IFI44: variants seen among roughly 807,000 people sequenced by gnomAD.
IFI44 encodes interferon-induced protein 44.
A neutral mutation model predicts 45.0 loss-of-function variants in IFI44; 42 were observed. The observed-to-expected ratio is 0.93, with a 90% CI of 0.73 to 1.21. IFI44 has a LOEUF of 1.21. Ranked by LOEUF, IFI44 falls within the 50% of genes most tolerant of loss-of-function variation. The probability of loss-of-function intolerance (pLI) is 0.00; values close to 1 mark genes in which losing one functional copy is unlikely to be tolerated. For synonymous variants in IFI44, 221 were observed against 188.6 expected, an observed-to-expected ratio of 1.17 and a Z score of -1.41; for missense variants, 623 against 525.8, an observed-to-expected ratio of 1.18 and a Z score of -1.81.
At chr1:78,663,710 C>G in intron 8 of IFI44, 55 bp from the exon 9 acceptor site, 3 of 1,599,162 alleles carry the variant, frequency 1.9e-6, no homozygotes, top group Non-Finnish European at 1.7e-6. Flanking sequence ...CCTCTTCCCT[C>G]TGGTTGCCTT....
intron 5 of IFI44, among the ~76,000 whole-genome samples, chr1:78,656,853 T>A (rs1456870606): frequency 6.6e-6 from 1 of 151,460 alleles, no homozygotes; most frequent in East Asian, 1.9e-4. Context: ...ATCTTGTAAA[T>A]GCTGTTTATT....
chr1:78,658,649 C>G lies in IFI44; in HGVS notation c.841-663C>G, dbSNP rs535324673. Among the ~76,000 whole-genome samples, 6 of 152,214 alleles carry G rather than the reference C, an allele frequency of 3.9e-5. No homozygotes were observed. The South Asian group carries it at 8.3e-4, about 21-fold the overall frequency. On this transcript the variant is annotated intron_variant, in intron 5 of 8. Transcript: ENST00000370747. The stretch of plus-strand genomic sequence containing the variant: ...TCTCTGCCCCTTCAAATAAATTTCT[C>G]CCCTCTTCCCATTAGTAACCATATA...
At chr1:78,655,318 T>TAATAAAA in intron 4 of IFI44, 44 bp from the exon 5 acceptor site, 1 of 1,562,948 alleles carries the variant, frequency 6.4e-7, no homozygotes, top group Non-Finnish European at 8.7e-7. Context: ...TCTCAATTTA[T>TAATAAAA]AATAAAAAAT....
Position 78,653,243 on chromosome 1 carries a change from A to T in IFI44, c.458-1000A>T, listed in dbSNP as rs72935632. Among the ~76,000 whole-genome samples the T allele has an allele frequency of 1.9e-3, 285 of 151,672 alleles. 1 individual carries two copies. Among genetic ancestry groups the T allele is most frequent in the African/African-American group, 6.6e-3 (273 of 41,380 alleles). On this transcript the variant is annotated intron_variant, in intron 2 of 8. Coordinates refer to ENST00000370747, the MANE Select transcript of IFI44 (RefSeq NM_006417.5). ...TCCTTCTTGCCATTAATGAAATGGG[A>T]TTTTATCAAAACATTGACATAAAGG...
intron 5 of IFI44, among the ~76,000 whole-genome samples, chr1:78,658,456 T>C (rs892850576): frequency 6.6e-6 from 1 of 152,184 alleles, no homozygotes; most frequent in Non-Finnish European, 1.5e-5. Context: ...TATTTTAAAG[T>C]CAATCAGAAT....
At chr1:78,651,968 C>T (rs1647131109) in intron 2 of IFI44, among the ~76,000 whole-genome samples, 1 of 152,068 alleles carries the variant, frequency 6.6e-6, no homozygotes, top group African/African-American at 2.4e-5. Flanking sequence ...CTTTAAGGGC[C>T]AGAAAAATAG....
intron 5 of IFI44, among the ~76,000 whole-genome samples, chr1:78,658,172 T>C (rs1436697720): frequency 1.3e-5 from 2 of 152,142 alleles, no homozygotes; most frequent in East Asian, 3.8e-4. Context: ...ATCACTCGTA[T>C]ATCTGCTTTC....
intron 7 of IFI44, 82 bp from the exon 8 acceptor site, chr1:78,662,622 T>G: frequency 1.8e-6 from 2 of 1,093,564 alleles, no homozygotes; most frequent in Non-Finnish European, 2.6e-6. Flanking sequence ...TCCTACATCT[T>G]GATATTGCTT....
Position 78,662,788 on chromosome 1 carries a change from C to A in IFI44, c.1198C>A (p.Pro400Thr). Residue 400 changes from proline (P) to threonine (T), a missense_variant, in exon 8 of 9, where the codon CCT becomes ACT. Physicochemically the swap from Pro to Thr is conservative, Grantham distance 38 (BLOSUM62 -1). Coordinates refer to ENST00000370747, the MANE Select transcript of IFI44 (RefSeq NM_006417.5). ...TTATTCCTCTGAGTGGGAGCTGGAC[C>A]CTGTAAAGGATGTTCTAATTCTTTC... ...SNYSSEWELD[P>T]VKDVLILSAL... The A allele has an allele frequency of 1.2e-6, 2 of 1,613,310 alleles. No individual in the cohort carries two copies. The highest frequency in any genetic ancestry group is 1.7e-6 in the Non-Finnish European group (2 of 1,179,756).
chr1:78,657,302 C>A (rs1420858772), intron 5 of IFI44, among the ~76,000 whole-genome samples: 1 of 151,856 alleles, frequency 6.6e-6, no homozygotes, highest in Non-Finnish European at 1.5e-5. Flanking sequence ...TTGCTTTTTC[C>A]TTATCATTTG....
In IFI44 at chr1:78,654,699, A is replaced by G. The variant is rs559273728; in HGVS notation, c.495-315A>G. Among the ~76,000 whole-genome samples the G allele has an allele frequency of 2.6e-5, 4 of 151,982 alleles. No homozygotes were observed. The South Asian group carries it at 8.3e-4, about 32-fold the overall frequency. ...TTGTGACTTATATATATGTGACACA[A>G]TATATATGACTTCTGAAGTTTAGTC... On this transcript the variant is annotated intron_variant, in intron 3 of 8. Transcript: ENST00000370747.
chr1:78,659,540 G>A (rs1647333955), intron 6 of IFI44, 57 bp downstream of exon 6: 2 of 1,362,008 alleles, frequency 1.5e-6, no homozygotes, highest in Non-Finnish European at 2.0e-6. Flanking sequence ...TGACTAGACT[G>A]TATTTTAGAA....
chr1:78,657,894 G>C (rs1219460615), intron 5 of IFI44, among the ~76,000 whole-genome samples: 1 of 151,944 alleles, frequency 6.6e-6, no homozygotes, highest in East Asian at 1.9e-4. Context: ...CTACAATTTG[G>C]ATCCTGAGTC....
intron 2 of IFI44, among the ~76,000 whole-genome samples, chr1:78,651,295 C>G (rs1189326283): frequency 1.3e-5 from 2 of 152,154 alleles, no homozygotes; most frequent in East Asian, 3.9e-4. Flanking sequence ...TGCAACTAAA[C>G]GGTCCCATCT....
Position 78,659,452 on chromosome 1 carries a change from C to G in IFI44, c.981C>G (p.Ile327Met), listed in dbSNP as rs745437245. ...TCTCCTCTCAGATGATAGTAAAGAT[C>G]AAAAGAATTCGAAGGGAGTTGGTAA... Reference protein sequence around the residue: ...QYFSSQMIVKIKRIRRELVNA... With the variant: ...QYFSSQMIVKMKRIRRELVNA... Residue 327 changes from isoleucine (I) to methionine (M), a missense_variant, in exon 6 of 9, where the codon ATC (isoleucine) becomes ATG (methionine). By Grantham distance (10) the Ile-to-Met change is conservative (BLOSUM62 1). Coordinates refer to ENST00000370747, the MANE Select transcript of IFI44 (RefSeq NM_006417.5). 1 of 1,612,994 alleles carries G rather than the reference C, an allele frequency of 6.2e-7. No homozygotes were observed. The highest frequency in any genetic ancestry group is 1.1e-5 in the South Asian group (1 of 91,022).
chr1:78,652,632 A>G (rs1647142431), intron 2 of IFI44, among the ~76,000 whole-genome samples: 1 of 152,086 alleles, frequency 6.6e-6, no homozygotes, highest in African/African-American at 2.4e-5. Context: ...ATTCACCCTT[A>G]TTTTTGTACG....
chr1:78,661,589 TA>T (rs1406638608), intron 7 of IFI44, among the ~76,000 whole-genome samples: 1 of 152,148 alleles, frequency 6.6e-6, no homozygotes, highest in African/African-American at 2.4e-5. Flanking sequence ...TCCCCCGCAC[TA>T]AAAATTTTAC....
chr1:78,654,202 G>A (rs184089331), intron 2 of IFI44, 41 bp from the exon 3 acceptor site: 6 of 1,121,700 alleles, frequency 5.3e-6, no homozygotes, highest in South Asian at 2.5e-5. Flanking sequence ...CCAATTATTC[G>A]ACAACTTCTA....
At chr1:78,662,200 C>T (rs1647499604) in intron 7 of IFI44, among the ~76,000 whole-genome samples, 1 of 152,090 alleles carries the variant, frequency 6.6e-6, no homozygotes, top group Non-Finnish European at 1.5e-5. Context: ...TTAATCAGTC[C>T]TTATAACAAG....
Sources: allele counts gnomAD v4.1 joint callset (sites outside exome capture counted in the v4.1 genomes callset), GRCh38; gene constraint gnomAD v4.1.1; transcripts MANE v1.5; gene names NCBI Gene and HGNC (gene_info 2026-07-23, HGNC 2026-07-21).